The following ARHGEF10 variants were observed in gnomAD, a reference collection of about 807,000 sequenced individuals.
ARHGEF10 encodes the protein Rho guanine nucleotide exchange factor 10, also known as Rho guanine nucleotide exchange factor (GEF) 10.
In ARHGEF10, 140 loss-of-function variants were observed where a neutral mutation model predicts 147.4. The observed-to-expected ratio is 0.95, with a 90% CI of 0.83 to 1.09. The LOEUF (loss-of-function observed/expected upper bound fraction) is 1.09, where lower values mean the gene tolerates loss of function less well. Among genes scored for constraint, ARHGEF10 ranks in the 50% least tolerant of loss-of-function variants. The probability of loss-of-function intolerance (pLI) is 0.00; values close to 1 mark genes in which losing one functional copy is unlikely to be tolerated. For synonymous variants in ARHGEF10, 902 were observed against 695.8 expected (o/e 1.30, Z -4.67); for missense variants, 2,222 against 1,752.7 (o/e 1.27, Z -4.78).
rs746945241 is a variant in ARHGEF10, at chr8:1,876,725, C to G, written c.834C>G (p.His278Gln). ...GIPRSFLRSNHKKQLSHDLTR... is the reference protein window; with the variant it reads ...GIPRSFLRSNQKKQLSHDLTR... ...CCAGGTCCTTCCTGCGCAGCAACCA[C>G]AAAAAGCAAGTACGTGTTCCCTGCA... Residue 278 changes from histidine (H) to glutamine (Q), a missense_variant, in exon 8 of 29, where the codon CAC (histidine) becomes CAG (glutamine). Physicochemically the swap from His to Gln is conservative, Grantham distance 24. Coordinates refer to ENST00000349830, the MANE Select transcript of ARHGEF10 (RefSeq NM_014629.4). 10 of 1,614,140 alleles carry G rather than the reference C, an allele frequency of 6.2e-6. No individual in the cohort carries two copies. The highest frequency in any genetic ancestry group is 1.1e-5 in the South Asian group (1 of 91,076).
chr8:1,892,851 A>G (rs1300826503), intron 11 of ARHGEF10, among the ~76,000 whole-genome samples: 2 of 152,242 alleles, frequency 1.3e-5, no homozygotes, highest in East Asian at 3.9e-4. Flanking sequence ...CACTAGCTGG[A>G]CTGTGTTTAG....
chr8:1,925,244 A>T, intron 21 of ARHGEF10, 39 bp from the exon 22 acceptor site: 2 of 1,613,876 alleles, frequency 1.2e-6, no homozygotes, highest in Non-Finnish European at 1.7e-6. Flanking sequence ...ATGTGAGTTA[A>T]CTGCATTCTT....
At position 1,870,152 on chromosome 8, in the gene ARHGEF10, C is replaced by T. The variant is rs192743821; in HGVS notation, c.679+902C>T. On this transcript the variant is annotated intron_variant, in intron 7 of 28. Coordinates refer to ENST00000349830, the MANE Select transcript of ARHGEF10 (RefSeq NM_014629.4). ...CAGCCGGAGCCCCAGCCAGTGCCGA[C>T]TGAAGAGGAGGGTGACCGTTCATGC... 9 of 151,538 alleles carry T rather than the reference C, an allele frequency of 5.9e-5. No individual in the cohort carries two copies. The East Asian group carries it at 1.2e-3, about 20-fold the overall frequency. The allele number at this position is 151,538 out of a possible 1,614,324, so 9.4% of individuals were successfully genotyped here.
At position 1,876,752 on chromosome 8, in the gene ARHGEF10, A is replaced by G. The variant is rs777169585; in HGVS notation, c.843+18A>G. On this transcript the variant is annotated intron_variant, in intron 8 of 28. Transcript: ENST00000349830. ...AAAAGCAAGTACGTGTTCCCTGCAC[A>G]TGTGAGGGATGGTTCTCTCGCGTTA... The G allele has an allele frequency of 4.3e-6, 7 of 1,613,964 alleles. No homozygotes were observed. The highest frequency in any genetic ancestry group is 2.2e-5 in the South Asian group (2 of 91,078).
intron 1 of ARHGEF10, among the ~76,000 whole-genome samples, chr8:1,829,751 CCAGCGCTGCACGGCGGCG>C (rs1802975341): frequency 6.6e-6 from 1 of 152,158 alleles, no homozygotes; most frequent in South Asian, 2.1e-4. Context: ...TCATAGGTGC[CCAGCGCTGCACGGCGGCG>C]CAGCGCTGCA....
chr8:1,827,258 T>C (rs1802825869), intron 1 of ARHGEF10, among the ~76,000 whole-genome samples: 1 of 152,202 alleles, frequency 6.6e-6, no homozygotes, highest in African/African-American at 2.4e-5. Flanking sequence ...TGGACATTGG[T>C]TTTGGTTCTG....
rs565167966 is a variant in ARHGEF10, at chr8:1,837,916, C to T, written c.-47-5437C>T. Among the ~76,000 whole-genome samples, 10 of 152,344 alleles carry T rather than the reference C, an allele frequency of 6.6e-5. No individual in the cohort carries two copies. The South Asian group carries it at 1.9e-3, about 28-fold the overall frequency. ...GTGAGGACTCGGGGTCGTGGGGACA[C>T]TGCTCCTCACTCTCACAGGTGCTCT... is the stretch of plus-strand genomic sequence containing the variant. On this transcript the variant is annotated intron_variant, in intron 1 of 28. Transcript: ENST00000349830.
At position 1,888,208 on chromosome 8, in the gene ARHGEF10, TGGGGCGAGGGTTGC is replaced by T. The variant is rs1563234008; in HGVS notation, c.1182+2503_1182+2516del. 1.9e-4 allele frequency among the ~76,000 whole-genome samples: 13 copies of T among 68,260 alleles called. 3 individuals are homozygous for T. Among genetic ancestry groups the T allele is most frequent in the African/African-American group, 1.0e-3 (13 of 12,930 alleles). The allele number at this position is 68,260 out of a possible 152,430, so 44.8% of individuals were successfully genotyped here. The stretch of plus-strand genomic sequence containing the variant: ...TGAGGGTTTGCGAGGAGACACTTAG[TGGGGCGAGGGTTGC>T]GAGGAGACAGTGAGTGTGGTGAGGG... On this transcript the variant is annotated intron_variant, in intron 11 of 28. Coordinates refer to ENST00000349830, the MANE Select transcript of ARHGEF10 (RefSeq NM_014629.4).
chr8:1,905,557 T>C lies in ARHGEF10; in HGVS notation c.1822-14T>C, dbSNP rs969878052. The C allele has an allele frequency of 6.2e-7, 1 of 1,614,182 alleles. No homozygotes were observed. Among genetic ancestry groups the C allele is most frequent in the Non-Finnish European group, 8.5e-7 (1 of 1,180,024 alleles). The stretch of plus-strand genomic sequence containing the variant: ...ACTGAACTGTGGTCCCTGGGCTGTG[T>C]TTTGAATGTCCAGCTTCTCAGCAGT... On this transcript the variant is annotated splice_polypyrimidine_tract_variant and intron_variant, in intron 16 of 28. Coordinates refer to ENST00000349830, the MANE Select transcript of ARHGEF10 (RefSeq NM_014629.4).
intron 18 of ARHGEF10, among the ~76,000 whole-genome samples, chr8:1,917,716 G>C (rs956557079): frequency 2.0e-5 from 3 of 152,280 alleles, no homozygotes; most frequent in Admixed American, 2.0e-4. Context: ...CAGCTAGAGG[G>C]CTGGAAGTCA....
chr8:1,889,842 G>C (rs1809287140), intron 11 of ARHGEF10, among the ~76,000 whole-genome samples: 1 of 141,408 alleles, frequency 7.1e-6, no homozygotes, highest in Non-Finnish European at 1.5e-5. Context: ...ACTAGGTGGG[G>C]TGAGGTTTGT....
chr8:1,956,964 T>A lies in ARHGEF10; in HGVS notation c.3736T>A (p.Ser1246Thr), dbSNP rs994595316. 6.2e-7 allele frequency: 1 copy of A among 1,614,106 alleles called. No individual in the cohort carries two copies. The highest frequency in any genetic ancestry group is 2.2e-5 in the East Asian group (1 of 44,876). Residue 1246 changes from serine (S) to threonine (T), a missense_variant, in exon 29 of 29, where the codon TCG becomes ACG. Coordinates refer to ENST00000349830, the MANE Select transcript of ARHGEF10 (RefSeq NM_014629.4). ...DPDAAIWLGD[S>T]LGSMTQKSDL... ...TGACGCAGCCATCTGGTTGGGAGAT[T>A]CGCTGGGATCGATGACTCAGAAAAG...
intron 28 of ARHGEF10, among the ~76,000 whole-genome samples, chr8:1,955,138 T>A (rs60241342): frequency 4.2e-5 from 5 of 120,254 alleles, no homozygotes; most frequent in Non-Finnish European, 3.3e-5. Flanking sequence ...GCACTCTCAC[T>A]GTTCCTCTGG....
intron 2 of ARHGEF10, among the ~76,000 whole-genome samples, chr8:1,857,270 C>T (rs1805620134): frequency 6.6e-6 from 1 of 152,102 alleles, no homozygotes; most frequent in African/African-American, 2.4e-5. Flanking sequence ...GGGAGAGATG[C>T]AAGGTGTCAG....
chr8:1,911,289 ATT>A (rs59812717), intron 18 of ARHGEF10, among the ~76,000 whole-genome samples: 2 of 150,580 alleles, frequency 1.3e-5, no homozygotes, highest in African/African-American at 4.9e-5. Flanking sequence ...ACCTGCATTG[ATT>A]TTTTTTTTAT....
intron 1 of ARHGEF10, among the ~76,000 whole-genome samples, chr8:1,832,810 ACAGAGG>A (rs1803263065): frequency 2.7e-5 from 3 of 111,760 alleles, no homozygotes; most frequent in Non-Finnish European, 5.6e-5. Context: ...AGAGGCAGAG[ACAGAGG>A]CAGAGAGAGA....
chr8:1,861,558 C>T (rs545440663), intron 4 of ARHGEF10, among the ~76,000 whole-genome samples: 7 of 152,296 alleles, frequency 4.6e-5, no homozygotes, highest in African/African-American at 9.6e-5. Context: ...ACAGCCTCTA[C>T]GCCTGAGACA....
chr8:1,891,764 C>T (rs1809545883), intron 11 of ARHGEF10, among the ~76,000 whole-genome samples: 1 of 152,106 alleles, frequency 6.6e-6, no homozygotes, highest in Admixed American at 6.5e-5. Flanking sequence ...CCTGTCCCAC[C>T]CCTTAGTGGG....
intron 18 of ARHGEF10, among the ~76,000 whole-genome samples, chr8:1,916,295 A>G (rs1343718480): frequency 6.6e-6 from 1 of 152,198 alleles, no homozygotes; most frequent in Non-Finnish European, 1.5e-5. Context: ...CGTGTGTCCT[A>G]CTACACATGG....
Sources: gnomAD v4.1 joint callset for allele counts (sites outside exome capture counted in the v4.1 genomes callset) on GRCh38, gnomAD v4.1.1 for gene constraint, MANE v1.5 for transcripts, NCBI Gene and HGNC (gene_info 2026-07-23, HGNC 2026-07-21) for gene names.